ZNF462: variants seen among roughly 807,000 people sequenced by gnomAD.
The protein encoded by ZNF462 is zinc finger PBX1-interacting protein.
ZNF462 carries 10 observed loss-of-function variants against 201.9 expected under a neutral mutation model. The observed-to-expected ratio is 0.05, with a 90% confidence interval of 0.03 to 0.08. ZNF462 has a LOEUF of 0.08. Among genes scored for constraint, ZNF462 ranks in the 10% least tolerant of loss-of-function variants. The probability of loss-of-function intolerance (pLI) is 1.00; values close to 1 mark genes in which losing one functional copy is unlikely to be tolerated. For synonymous variants in ZNF462, 1,227 were observed against 1,193.3 expected (o/e 1.03, Z -0.58); for missense variants, 2,523 against 3,168.3 (o/e 0.80, Z 4.89).
intron 10 of ZNF462, among the ~76,000 whole-genome samples, chr9:106,991,707 C>A (rs187526854): frequency 6.6e-6 from 1 of 151,744 alleles, no homozygotes; most frequent in Non-Finnish European, 1.5e-5. Flanking sequence ...AATAAACCCT[C>A]ATATATGTGG....
chr9:106,959,219 A>G (rs535803271), intron 7 of ZNF462, among the ~76,000 whole-genome samples: 23 of 152,134 alleles, frequency 1.5e-4, no homozygotes, highest in Non-Finnish European at 2.9e-4. Context: ...AGTTGCTGCC[A>G]TAAGTAGCAG....
intron 7 of ZNF462, among the ~76,000 whole-genome samples, chr9:106,947,434 T>C (rs370120667): frequency 6.6e-6 from 1 of 152,200 alleles, no homozygotes; most frequent in East Asian, 1.9e-4. Context: ...TGCAGGACCT[T>C]CTAAACTCTT....
At position 106,923,963 on chromosome 9, in the gene ZNF462, G is replaced by T. The variant is rs375430148; in HGVS notation, c.221-170G>T. 2.2e-3 allele frequency among the ~76,000 whole-genome samples: 334 copies of T among 152,298 alleles called. 3 individuals are homozygous for T. Among genetic ancestry groups the T allele is most frequent in the African/African-American group, 7.8e-3 (324 of 41,566 alleles). ...CTTTATCCATGAGAAGGTGCAGTAC[G>T]TATATCTTCATTGATGCTTTGTGAA... On this transcript the variant is annotated intron_variant, in intron 2 of 12. Coordinates refer to ENST00000277225, the MANE Select transcript of ZNF462 (RefSeq NM_021224.6). This position sits in a 1 kb window ranked among gnomAD's most constrained non-coding sequence, Gnocchi z 5.6.
rs2131552811 is a variant in ZNF462 at position 106,932,630 on chromosome 9, G to T, written c.6116+81G>T. On this transcript the variant is annotated intron_variant, in intron 5 of 12. Transcript: ENST00000277225. This position sits in a 1 kb window ranked among gnomAD's most constrained non-coding sequence, Gnocchi z 6.8. ...GGCACTAAGCTAAAGCAGAAGCTTG[G>T]ATGAGTAAGAAGGCCCCACTCATGG... The T allele has an allele frequency of 3.2e-6, 5 of 1,578,886 alleles. No individual in the cohort carries two copies. In the African/African-American group the frequency reaches 6.7e-5, roughly 21 times the overall value.
chr9:106,953,700 C>T (rs1831454350), intron 7 of ZNF462, among the ~76,000 whole-genome samples: 1 of 152,130 alleles, frequency 6.6e-6, no homozygotes, highest in African/African-American at 2.4e-5. Context: ...CTGATGCCAC[C>T]AATACTTCCA....
At chr9:106,912,484 T>G (rs1297241536) in intron 1 of ZNF462, among the ~76,000 whole-genome samples, 1 of 152,230 alleles carries the variant, frequency 6.6e-6, no homozygotes, top group Admixed American at 6.5e-5. Flanking sequence ...TATTCTGAAA[T>G]CTGCCTTCCT....
chr9:106,936,506 C>T (rs1830637829), intron 6 of ZNF462, among the ~76,000 whole-genome samples: 1 of 152,170 alleles, frequency 6.6e-6, no homozygotes. Flanking sequence ...TGACTTAATG[C>T]AGTAAGATTA....
chr9:106,996,811 A>T (rs571604200), intron 10 of ZNF462, among the ~76,000 whole-genome samples: 1 of 152,202 alleles, frequency 6.6e-6, no homozygotes, highest in East Asian at 1.9e-4. Flanking sequence ...ATGATCTCTC[A>T]TGGGTTTTCA....
Position 106,876,750 on chromosome 9 carries a change from G to C in ZNF462, c.-31+13395G>C, listed in dbSNP as rs1359397375. ...ATGAAGTTTTCTGAGCTTTTCAGAA[G>C]AAAGATGTTATTACTGTTCCTATTG... On this transcript the variant is annotated intron_variant, in intron 1 of 12. Coordinates refer to ENST00000277225, the MANE Select transcript of ZNF462 (RefSeq NM_021224.6). The surrounding 1 kb of genome is among the most constrained non-coding windows in gnomAD (Gnocchi z 4.9). Among the ~76,000 whole-genome samples the C allele has an allele frequency of 6.6e-6, 1 of 152,156 alleles. No homozygotes were observed. Among genetic ancestry groups the C allele is most frequent in the Non-Finnish European group, 1.5e-5 (1 of 68,022 alleles).
chr9:106,992,188 T>C (rs1041284138), intron 10 of ZNF462, among the ~76,000 whole-genome samples: 2 of 152,044 alleles, frequency 1.3e-5, no homozygotes, highest in Admixed American at 1.3e-4. Flanking sequence ...AAGATTTGAA[T>C]AGACACCTTA....
At chr9:106,971,619 C>G (rs1826621012) in intron 7 of ZNF462, among the ~76,000 whole-genome samples, 1 of 149,806 alleles carries the variant, frequency 6.7e-6, no homozygotes, top group Admixed American at 6.6e-5. Flanking sequence ...TAACATTGGT[C>G]AAAAGATGCA....
chr9:106,948,249 G>T (rs1438310534), intron 7 of ZNF462, among the ~76,000 whole-genome samples: 2 of 152,176 alleles, frequency 1.3e-5, no homozygotes, highest in African/African-American at 4.8e-5. Flanking sequence ...GGTAGAGCCA[G>T]ACGACAGGAG....
chr9:106,956,607 A>G (rs1048205913), intron 7 of ZNF462, among the ~76,000 whole-genome samples: 1 of 146,802 alleles, frequency 6.8e-6, no homozygotes, highest in Non-Finnish European at 1.5e-5. Flanking sequence ...TGAAAGTCCT[A>G]GATGGAATCT....
At chr9:106,959,280 C>T (rs1211661705) in intron 7 of ZNF462, among the ~76,000 whole-genome samples, 1 of 152,094 alleles carries the variant, frequency 6.6e-6, no homozygotes, top group East Asian at 1.9e-4. Context: ...CTCCAAGCAG[C>T]TACTATGTGC....
Position 107,011,167 on chromosome 9 carries a change from C to A in ZNF462, c.*137C>A. Reference sequence around the variant, plus strand: ...TTTTTAGGACTGAACAATCTATTTTCAAAGCACTGGTACCTGTGTGAGTGA... The same window carrying A: ...TTTTTAGGACTGAACAATCTATTTTAAAAGCACTGGTACCTGTGTGAGTGA... On this transcript the variant is annotated 3_prime_UTR_variant, in exon 13 of 13. Coordinates refer to ENST00000277225, the MANE Select transcript of ZNF462 (RefSeq NM_021224.6). The surrounding 1 kb of genome is among the most constrained non-coding windows in gnomAD (Gnocchi z 5.6). The A allele has an allele frequency of 1.4e-6, 1 of 728,652 alleles. No individual in the cohort carries two copies. Among genetic ancestry groups the A allele is most frequent in the Non-Finnish European group, 2.2e-6 (1 of 448,246 alleles). 45.1% of individuals were successfully genotyped at this position (728,652 alleles called of 1,614,324 possible). A position where few individuals can be genotyped will look rare whatever the true frequency, so the allele number is the denominator to read the frequency against.
At chr9:106,949,200 A>G (rs559070771) in intron 7 of ZNF462, among the ~76,000 whole-genome samples, 24 of 152,202 alleles carry the variant, frequency 1.6e-4, no homozygotes, top group Non-Finnish European at 2.8e-4. Flanking sequence ...AAATATTCTT[A>G]TAATTATTAG....
intron 1 of ZNF462, among the ~76,000 whole-genome samples, chr9:106,896,039 C>T (rs1828797031): frequency 6.6e-6 from 1 of 152,074 alleles, no homozygotes; most frequent in African/African-American, 2.4e-5. Flanking sequence ...TCATAACTGC[C>T]CTCTCCATCT....
At chr9:106,971,661 G>A (rs1826622660) in intron 7 of ZNF462, among the ~76,000 whole-genome samples, 1 of 151,930 alleles carries the variant, frequency 6.6e-6, no homozygotes, top group Non-Finnish European at 1.5e-5. Flanking sequence ...TAAGTTCTAG[G>A]GATCCAATGT....
rs536208436 is a variant in ZNF462 at position 106,996,907 on chromosome 9, G to A, written c.7057-6387G>A. On this transcript the variant is annotated intron_variant, in intron 10 of 12. Transcript: ENST00000277225. ...CTATAAAGCTAAGTAAGAAATGGTT[G>A]CTACCCTGGAAGAGTTTATAAGCAA... 9.9e-5 allele frequency among the ~76,000 whole-genome samples: 15 copies of A among 152,250 alleles called. No homozygotes were observed. In the South Asian group the frequency reaches 2.7e-3, roughly 27 times the overall value.
Sources: gnomAD v4.1 joint callset for allele counts (sites outside exome capture counted in the v4.1 genomes callset) on GRCh38, gnomAD v4.1.1 for gene constraint, Gnocchi (gnomAD v3.1) non-coding constraint, MANE v1.5 for transcripts, NCBI Gene and HGNC (gene_info 2026-07-23, HGNC 2026-07-21) for gene names.